COL5A2: variants seen among roughly 807,000 people sequenced by gnomAD.
COL5A2 encodes collagen alpha-2(V) chain.
COL5A2 carries 23 observed loss-of-function variants against 208.2 expected under a neutral mutation model. The observed-to-expected ratio is 0.11, with a 90% CI of 0.08 to 0.16. The LOEUF is 0.16. COL5A2 is among the 10% of genes least tolerant of loss of function. The pLI, the probability that COL5A2 is intolerant of heterozygous loss-of-function variation, is 1.00. For missense variants in COL5A2, 1,590 were observed against 1,956.4 expected, an observed-to-expected ratio of 0.81 and a Z score of 3.53; for synonymous variants, 625 against 628.5, an observed-to-expected ratio of 0.99 and a Z score of 0.08.
At chr2:189,107,826 T>C (rs1296553927) in intron 2 of COL5A2, among the ~76,000 whole-genome samples, 2 of 151,864 alleles carry the variant, frequency 1.3e-5, no homozygotes, top group East Asian at 3.9e-4. Flanking sequence ...ACATTACTCA[T>C]AGATCTGTAT....
chr2:189,054,978 G>C (rs1329783801), intron 35 of COL5A2, among the ~76,000 whole-genome samples: 2 of 151,908 alleles, frequency 1.3e-5, no homozygotes, highest in African/African-American at 4.8e-5. Context: ...CCGCCTCCCG[G>C]GTTTGCGCCA....
chr2:189,159,041 T>C (rs892578781), intron 1 of COL5A2, among the ~76,000 whole-genome samples: 35 of 152,202 alleles, frequency 2.3e-4, no homozygotes, highest in Admixed American at 2.0e-3. Flanking sequence ...GCAGCATTCA[T>C]ACAAATTGGT....
chr2:189,205,602 T>C (rs889722444), intron 1 of COL5A2, among the ~76,000 whole-genome samples: 1 of 152,128 alleles, frequency 6.6e-6, no homozygotes, highest in East Asian at 1.9e-4. Context: ...CACTCTTCCC[T>C]TGAATGGAAA....
At chr2:189,301,937 C>T in the COL5A2 span, among the ~76,000 whole-genome samples, 5 of 151,896 alleles carry the variant, frequency 3.3e-5, no homozygotes, top group African/African-American at 9.7e-5. Flanking sequence ...TTTTTTCAGA[C>T]GTCACAGAAC....
chr2:189,224,224 A>T (rs1451093829), intron 1 of COL5A2, among the ~76,000 whole-genome samples: 2 of 152,120 alleles, frequency 1.3e-5, no homozygotes, highest in East Asian at 1.9e-4. Context: ...ATTAAACACA[A>T]CCAAAAAAAT....
chr2:189,373,556 T>C, the COL5A2 span, among the ~76,000 whole-genome samples: 8 of 152,212 alleles, frequency 5.3e-5, no homozygotes, highest in African/African-American at 1.9e-4. Flanking sequence ...TTTATATTTT[T>C]GTCTTATAGG....
intron 1 of COL5A2, among the ~76,000 whole-genome samples, chr2:189,173,122 C>T (rs1043231519): frequency 3.3e-5 from 5 of 151,772 alleles, no homozygotes; most frequent in Admixed American, 2.6e-4. Flanking sequence ...AAGTGCCCAC[C>T]ACCATACCCA....
At chr2:189,177,058 C>A (rs1688691062) in intron 1 of COL5A2, among the ~76,000 whole-genome samples, 1 of 151,932 alleles carries the variant, frequency 6.6e-6, no homozygotes, top group Non-Finnish European at 1.5e-5. Flanking sequence ...TGGTAAATAA[C>A]CACAGTCAAG....
chr2:189,289,209 G>A, the COL5A2 span, among the ~76,000 whole-genome samples: 1 of 151,964 alleles, frequency 6.6e-6, no homozygotes, highest in African/African-American at 2.4e-5. Context: ...GGGCGTGGTG[G>A]CGTACACCTG....
chr2:189,123,059 G>C (rs1241902977), intron 1 of COL5A2, among the ~76,000 whole-genome samples: 1 of 152,142 alleles, frequency 6.6e-6, no homozygotes, highest in Non-Finnish European at 1.5e-5. Context: ...TCGCCTCCTG[G>C]GTTCAAGTGA....
At chr2:189,288,585 T>A in the COL5A2 span, among the ~76,000 whole-genome samples, 2 of 152,270 alleles carry the variant, frequency 1.3e-5, no homozygotes, top group Non-Finnish European at 2.9e-5. Context: ...TGAAAAGTTT[T>A]CCATGAAAGA....
At chr2:189,197,774 G>C (rs1313092256) in intron 1 of COL5A2, among the ~76,000 whole-genome samples, 3 of 151,458 alleles carry the variant, frequency 2.0e-5, no homozygotes, top group Admixed American at 2.0e-4. Flanking sequence ...ATATCTCTAA[G>C]GAACAGAAAT....
the COL5A2 span, among the ~76,000 whole-genome samples, chr2:189,440,516 T>C: frequency 6.6e-6 from 1 of 152,246 alleles, no homozygotes; most frequent in African/African-American, 2.4e-5. Context: ...AGTATTATAA[T>C]CTTACGGAAT....
chr2:189,092,456 C>T, intron 6 of COL5A2, 36 bp from the exon 7 acceptor site: 1 of 1,248,140 alleles, frequency 8.0e-7, no homozygotes, highest in Non-Finnish European at 1.2e-6. Flanking sequence ...GAACCCACTG[C>T]CAAATATACA....
chr2:189,136,696 T>A (rs1202346607), intron 1 of COL5A2, among the ~76,000 whole-genome samples: 1 of 151,588 alleles, frequency 6.6e-6, no homozygotes, highest in Non-Finnish European at 1.5e-5. Flanking sequence ...TACTTTTTAA[T>A]GTTATATTTT....
chr2:189,405,980 T>G, the COL5A2 span, among the ~76,000 whole-genome samples: 1 of 152,198 alleles, frequency 6.6e-6, no homozygotes, highest in African/African-American at 2.4e-5. Context: ...GTAGGTTAGT[T>G]CTTTCTAGAG....
chr2:189,070,407 T>C (rs1230146149), intron 18 of COL5A2, among the ~76,000 whole-genome samples: 1 of 152,172 alleles, frequency 6.6e-6, no homozygotes, highest in Non-Finnish European at 1.5e-5. Flanking sequence ...GGCAGAACTT[T>C]GTAGGAAAAG....
the COL5A2 span, among the ~76,000 whole-genome samples, chr2:189,306,846 G>A: frequency 6.6e-6 from 1 of 152,122 alleles, no homozygotes; most frequent in Non-Finnish European, 1.5e-5. Context: ...TTATTTCTTT[G>A]TATTATTGGT....
intron 12 of COL5A2, among the ~76,000 whole-genome samples, chr2:189,083,364 T>C (rs944226536): frequency 6.6e-6 from 1 of 152,102 alleles, no homozygotes; most frequent in African/African-American, 2.4e-5. Flanking sequence ...TCTATTCTTT[T>C]AGGGAGCCAA....
Sources: allele counts gnomAD v4.1 joint callset (sites outside exome capture counted in the v4.1 genomes callset), GRCh38; gene constraint gnomAD v4.1.1; transcripts MANE v1.5; gene names NCBI Gene and HGNC (gene_info 2026-07-23, HGNC 2026-07-21).